Variants in MBOAT1 observed in about 807,000 individuals in gnomAD.
MBOAT1 encodes membrane bound glycerophospholipid O-acyltransferase 1.
In MBOAT1, 67 loss-of-function variants were observed where a neutral mutation model predicts 64.4. That is an observed-to-expected ratio of 1.04 (90% CI 0.85 to 1.27). The LOEUF (loss-of-function observed/expected upper bound fraction) is 1.27. MBOAT1 is among the 50% of genes most tolerant of loss of function. The probability of loss-of-function intolerance (pLI) is 0.00; values close to 1 mark genes in which losing one functional copy is unlikely to be tolerated. For synonymous variants in MBOAT1, 229 were observed against 218.9 expected (o/e 1.05, Z -0.41); for missense variants, 563 against 604.6 (o/e 0.93, Z 0.72).
At chr6:20,139,127 TTTTG>T (rs1445980163) in intron 4 of MBOAT1, among the ~76,000 whole-genome samples, 20 of 152,124 alleles carry the variant, frequency 1.3e-4, no homozygotes, top group African/African-American at 3.9e-4. Context: ...TGGGTTTTTA[TTTTG>T]TTTGTTTGTT....
chr6:20,184,348 G>C (rs535213537), intron 1 of MBOAT1, among the ~76,000 whole-genome samples: 27 of 152,088 alleles, frequency 1.8e-4, no homozygotes, highest in Non-Finnish European at 3.4e-4. Context: ...GGTGAGGGGG[G>C]ACAGGTGGAG....
intron 1 of MBOAT1, among the ~76,000 whole-genome samples, chr6:20,165,059 A>G (rs1338817259): frequency 6.6e-6 from 1 of 152,170 alleles, no homozygotes; most frequent in African/African-American, 2.4e-5. Flanking sequence ...TTTTTCTGAT[A>G]TTTTCAACTT....
intron 3 of MBOAT1, among the ~76,000 whole-genome samples, chr6:20,148,751 A>G (rs988328101): frequency 6.6e-6 from 1 of 152,238 alleles, no homozygotes; most frequent in South Asian, 2.1e-4. Context: ...GAGTTCATCC[A>G]AGGGGAACTG....
chr6:20,184,161 GGACAGGAA>G (rs1449407709), intron 1 of MBOAT1, among the ~76,000 whole-genome samples: 1 of 152,140 alleles, frequency 6.6e-6, no homozygotes, highest in Non-Finnish European at 1.5e-5. Flanking sequence ...TGGAGTCTTT[GGACAGGAA>G]CTCAAAGCAA....
Position 20,100,469 on chromosome 6 carries a change from G to T in MBOAT1, c.*1817C>A, listed in dbSNP as rs1024329555. ...TGCCCCAAGATTTCCTTGTTAAAGT[G>T]GGGTGAGACTCATGCACTAGCTCAC... On this transcript the variant is annotated 3_prime_UTR_variant, in exon 13 of 13. Transcript: ENST00000324607. 3.9e-5 allele frequency among the ~76,000 whole-genome samples: 6 copies of T among 152,070 alleles called. No homozygotes were observed. The highest frequency in any genetic ancestry group is 8.8e-5 in the Non-Finnish European group (6 of 68,002).
intron 4 of MBOAT1, among the ~76,000 whole-genome samples, chr6:20,143,498 C>T (rs1002114878): frequency 1.3e-5 from 2 of 152,080 alleles, no homozygotes; most frequent in African/African-American, 4.8e-5. Context: ...TATTAACTAG[C>T]GAGAGATGAA....
intron 12 of MBOAT1, among the ~76,000 whole-genome samples, chr6:20,103,227 A>C (rs1030450172): frequency 1.3e-5 from 2 of 152,208 alleles, no homozygotes; most frequent in African/African-American, 4.8e-5. Flanking sequence ...CAATGGAACA[A>C]GATGTGGAGG....
intron 8 of MBOAT1, among the ~76,000 whole-genome samples, chr6:20,119,219 G>A (rs1760422298): frequency 6.6e-6 from 1 of 152,186 alleles, no homozygotes; most frequent in African/African-American, 2.4e-5. Flanking sequence ...ACCCAAGCCA[G>A]CCACCCATAA....
chr6:20,172,988 A>C (rs1762243795), intron 1 of MBOAT1, among the ~76,000 whole-genome samples: 1 of 152,134 alleles, frequency 6.6e-6, no homozygotes, highest in Non-Finnish European at 1.5e-5. Context: ...TGTTCTCGTG[A>C]TAGTGAGTGA....
intron 12 of MBOAT1, among the ~76,000 whole-genome samples, chr6:20,107,925 G>C (rs1182269263): frequency 6.6e-6 from 1 of 152,170 alleles, no homozygotes; most frequent in African/African-American, 2.4e-5. Flanking sequence ...CTGCTTCCGG[G>C]CATGTTAAAA....
In MBOAT1 at chr6:20,146,288, G is replaced by T. The variant is rs145170296; in HGVS notation, c.324-1973C>A. The stretch of plus-strand genomic sequence containing the variant: ...TCAGCCTAAGGAATAGTAAAGTAGG[G>T]ATAATAAAAATTCATTCGGTAGCAA... On this transcript the variant is annotated intron_variant, in intron 3 of 12. Transcript: ENST00000324607. Among the ~76,000 whole-genome samples the T allele has an allele frequency of 2.9e-3, 439 of 152,290 alleles. 2 individuals are homozygous for T. The highest frequency in any genetic ancestry group is 0.01 in the African/African-American group (422 of 41,550).
chr6:20,123,138 T>C (rs1760543492), intron 8 of MBOAT1, among the ~76,000 whole-genome samples: 1 of 151,060 alleles, frequency 6.6e-6, no homozygotes, highest in South Asian at 2.1e-4. Context: ...CCAAAAAAAT[T>C]ATAATTTTTT....
rs773049692 is a variant in MBOAT1 at position 20,152,648 on chromosome 6, T to C, written c.221A>G (p.Tyr74Cys). ...RHAVATIFGI[Y>C]FVIFCFGWYS... is the part of the protein sequence containing the mutation. ...CCAGCCGAAACAAAAGATGACAAAA[T>C]AGATGCCAAAAATGGTGGCAACCGC... Residue 74 changes from tyrosine to cysteine, a missense_variant, in exon 2 of 13, where the codon TAT becomes TGT. Transcript: ENST00000324607. The C allele has an allele frequency of 3.2e-5, 52 of 1,610,532 alleles. No individual in the cohort carries two copies. In the East Asian group the frequency reaches 9.6e-4, roughly 30 times the overall value.
intron 3 of MBOAT1, among the ~76,000 whole-genome samples, chr6:20,149,589 T>G (rs776042620): frequency 2.6e-4 from 39 of 152,184 alleles, no homozygotes; most frequent in Non-Finnish European, 3.8e-4. Context: ...CTTTCCAAAT[T>G]AGAAAAATGG....
At chr6:20,111,199 G>A (rs1273837953) in intron 11 of MBOAT1, among the ~76,000 whole-genome samples, 1 of 152,194 alleles carries the variant, frequency 6.6e-6, no homozygotes, top group Non-Finnish European at 1.5e-5. Flanking sequence ...CCTCTAGAGA[G>A]ACCCTCAGTT....
At position 20,196,786 on chromosome 6, in the gene MBOAT1, A is replaced by G. The variant is rs550167287; in HGVS notation, c.99+15350T>C. On this transcript the variant is annotated intron_variant, in intron 1 of 12. Coordinates refer to ENST00000324607, the MANE Select transcript of MBOAT1 (RefSeq NM_001080480.3). ...TGAGGCAGGAGAATCACTTGAACCC[A>G]GGAGGTGGAGGTTGCAGTGAGCCGA... 2.0e-5 allele frequency among the ~76,000 whole-genome samples: 3 copies of G among 151,968 alleles called. No homozygotes were observed. The South Asian group carries it at 6.3e-4, about 32-fold the overall frequency.
chr6:20,201,601 G>A (rs1302136756), intron 1 of MBOAT1, among the ~76,000 whole-genome samples: 2 of 143,950 alleles, frequency 1.4e-5, no homozygotes, highest in African/African-American at 5.2e-5. Flanking sequence ...TTTTTTTTGA[G>A]ATGGAGTCTC....
intron 1 of MBOAT1, among the ~76,000 whole-genome samples, chr6:20,165,840 G>A (rs1363660607): frequency 1.3e-5 from 2 of 151,880 alleles, no homozygotes; most frequent in Non-Finnish European, 2.9e-5. Context: ...AAGATAGAAT[G>A]AAACATATAA....
chr6:20,114,093 T>G (rs556142482), intron 10 of MBOAT1, among the ~76,000 whole-genome samples: 1 of 152,298 alleles, frequency 6.6e-6, no homozygotes, highest in South Asian at 2.1e-4. Context: ...AATTTATTAA[T>G]AGCAATAATG....
Sources: allele counts gnomAD v4.1 joint callset (sites outside exome capture counted in the v4.1 genomes callset), GRCh38; gene constraint gnomAD v4.1.1; transcripts MANE v1.5; gene names NCBI Gene and HGNC (gene_info 2026-07-23, HGNC 2026-07-21).